Variants in ABTB3 observed in about 807,000 individuals in gnomAD.
ABTB3 encodes ankyrin repeat and BTB domain containing 3, also known as ankyrin repeat- and BTB/POZ domain-containing protein 3.
At chr12:107,453,293 T>TG in the ABTB3 span, among the ~76,000 whole-genome samples, 87 of 152,300 alleles carry the variant, frequency 5.7e-4, no homozygotes, top group African/African-American at 2.0e-3. Context: ...ATAGATTGAA[T>TG]GTTTGTCTTC....
At chr12:107,537,568 T>C in the ABTB3 span, among the ~76,000 whole-genome samples, 4 of 152,210 alleles carry the variant, frequency 2.6e-5, no homozygotes, top group Admixed American at 6.5e-5. Flanking sequence ...GTCTTCCTGA[T>C]GGCAGCCTTC....
At chr12:107,359,755 A>C in the ABTB3 span, among the ~76,000 whole-genome samples, 2 of 152,136 alleles carry the variant, frequency 1.3e-5, no homozygotes, top group African/African-American at 4.8e-5. Flanking sequence ...TTTTACAGAC[A>C]AAAAAGCCAA....
the ABTB3 span, among the ~76,000 whole-genome samples, chr12:107,390,142 C>T: frequency 6.6e-6 from 1 of 152,134 alleles, no homozygotes; most frequent in African/African-American, 2.4e-5. Context: ...ATTTGGGACC[C>T]TCTTCAGAGA....
At chr12:107,507,686 A>G in the ABTB3 span, among the ~76,000 whole-genome samples, 1 of 152,078 alleles carries the variant, frequency 6.6e-6, no homozygotes, top group Non-Finnish European at 1.5e-5. Context: ...CCAACTTCTT[A>G]CAATCCCCAC....
the ABTB3 span, among the ~76,000 whole-genome samples, chr12:107,388,443 T>G: frequency 6.6e-6 from 1 of 151,794 alleles, no homozygotes; most frequent in African/African-American, 2.4e-5. Context: ...TGTCTTTCTC[T>G]TTCTACCATT....
chr12:107,581,437 T>G, the ABTB3 span: 1 of 673,694 alleles, frequency 1.5e-6, no homozygotes, highest in Admixed American at 4.7e-5. Context: ...GGAGGCTCCC[T>G]GGTTGAAGTG....
At chr12:107,384,891 C>G in the ABTB3 span, among the ~76,000 whole-genome samples, 1 of 152,212 alleles carries the variant, frequency 6.6e-6, no homozygotes, top group African/African-American at 2.4e-5. Context: ...AAAGATCACT[C>G]TGGAATCAGG....
the ABTB3 span, chr12:107,319,776 G>T: frequency 6.8e-7 from 1 of 1,467,586 alleles, no homozygotes; most frequent in Non-Finnish European, 9.0e-7. Context: ...TCGGGCCCTG[G>T]TGCGGCCCCC....
At chr12:107,408,379 A>T in the ABTB3 span, among the ~76,000 whole-genome samples, 1 of 152,194 alleles carries the variant, frequency 6.6e-6, no homozygotes, top group Non-Finnish European at 1.5e-5. Flanking sequence ...CTAATTTGCA[A>T]ATTTAAAGAT....
the ABTB3 span, among the ~76,000 whole-genome samples, chr12:107,550,875 A>C: frequency 1.3e-5 from 2 of 151,968 alleles, no homozygotes; most frequent in African/African-American, 4.8e-5. Flanking sequence ...GAGCCACCGC[A>C]CCCAGCCTCT....
At chr12:107,464,730 T>G in the ABTB3 span, among the ~76,000 whole-genome samples, 2 of 152,170 alleles carry the variant, frequency 1.3e-5, no homozygotes, top group Non-Finnish European at 2.9e-5. Flanking sequence ...CTAAGTAAGC[T>G]TATGTATTTG....
chr12:107,600,377 G>T, the ABTB3 span, among the ~76,000 whole-genome samples: 1 of 152,212 alleles, frequency 6.6e-6, no homozygotes, highest in African/African-American at 2.4e-5. Flanking sequence ...CAAATGAAAA[G>T]CTGTCTATAA....
At chr12:107,544,465 G>A in the ABTB3 span, among the ~76,000 whole-genome samples, 238 of 152,290 alleles carry the variant, frequency 1.6e-3, no homozygotes, top group African/African-American at 3.7e-3. Flanking sequence ...ACCACCTCTC[G>A]TGGGAGTTAT....
chr12:107,394,604 C>T, the ABTB3 span, among the ~76,000 whole-genome samples: 1 of 152,220 alleles, frequency 6.6e-6, no homozygotes, highest in Non-Finnish European at 1.5e-5. Context: ...TGACAGAGTT[C>T]ATATCCCAGC....
chr12:107,384,698 CA>C, the ABTB3 span, among the ~76,000 whole-genome samples: 1 of 152,176 alleles, frequency 6.6e-6, no homozygotes, highest in Non-Finnish European at 1.5e-5. Context: ...TTTGTACCCC[CA>C]CACCAACTAG....
the ABTB3 span, among the ~76,000 whole-genome samples, chr12:107,491,357 G>A: frequency 5.9e-5 from 9 of 152,254 alleles, no homozygotes; most frequent in East Asian, 1.5e-3. Flanking sequence ...CCTTTTAAAC[G>A]CATTCATTCT....
At chr12:107,532,365 C>T in the ABTB3 span, among the ~76,000 whole-genome samples, 1 of 152,202 alleles carries the variant, frequency 6.6e-6, no homozygotes, top group Non-Finnish European at 1.5e-5. Flanking sequence ...CCCAGCAAAA[C>T]CATACCACAT....
the ABTB3 span, among the ~76,000 whole-genome samples, chr12:107,535,541 G>C: frequency 2.0e-5 from 3 of 152,124 alleles, no homozygotes; most frequent in Non-Finnish European, 2.9e-5. Context: ...CCAAAAAACT[G>C]TTAGAACTGA....
At chr12:107,418,379 G>C in the ABTB3 span, among the ~76,000 whole-genome samples, 3 of 152,076 alleles carry the variant, frequency 2.0e-5, no homozygotes, top group African/African-American at 7.3e-5. Flanking sequence ...TGTGTGAGTT[G>C]ATACTACTTA....
Sources: gnomAD v4.1 joint callset for allele counts (sites outside exome capture counted in the v4.1 genomes callset) on GRCh38, gnomAD v4.1.1 for gene constraint, MANE v1.5 for transcripts, NCBI Gene and HGNC (gene_info 2026-07-23, HGNC 2026-07-21) for gene names.